ASS1: variants seen among roughly 807,000 people sequenced by gnomAD.
The protein encoded by ASS1 is argininosuccinate synthase 1, also known as argininosuccinate synthase.
ASS1 carries 58 observed loss-of-function variants against 60.5 expected under a neutral mutation model. The ratio of observed to expected loss-of-function variants is 0.96; its 90% CI spans 0.78 to 1.19. ASS1 has a LOEUF of 1.19. ASS1 is among the 50% of genes most tolerant of loss of function. The pLI is 0.00. For synonymous variants in ASS1, 200 were observed against 206.9 expected, an observed-to-expected ratio of 0.97 and a Z score of 0.29; for missense variants, 454 against 547.3, an observed-to-expected ratio of 0.83 and a Z score of 1.70.
intron 9 of ASS1, 55 bp from the exon 10 acceptor site, chr9:130,479,661 A>C: frequency 7.0e-7 from 1 of 1,429,378 alleles, no homozygotes; most frequent in East Asian, 2.3e-5. Flanking sequence ...TGGCGGGTGC[A>C]GACTCCTCCG....
At chr9:130,497,468 CTGT>C (rs1846633237) in intron 13 of ASS1, among the ~76,000 whole-genome samples, 1 of 150,628 alleles carries the variant, frequency 6.6e-6, no homozygotes, top group Non-Finnish European at 1.5e-5. Context: ...CAGAGGTTTT[CTGT>C]AGACCGTCAG....
chr9:130,470,726 G>A lies in ASS1; in HGVS notation c.496-108G>A, dbSNP rs1845846750. The stretch of plus-strand genomic sequence containing the variant: ...CTAGGAGGTAGCCAGGGTCTTGTCT[G>A]AATGGGGGCCAGAGTTTGGGGCTCT... On this transcript the variant is annotated intron_variant, in intron 6 of 14. Transcript: ENST00000352480. This position sits in a 1 kb window ranked among gnomAD's most constrained non-coding sequence, Gnocchi z 4.3. 1 of 1,120,280 alleles carries A rather than the reference G, an allele frequency of 8.9e-7. No individual in the cohort carries two copies. The highest frequency in any genetic ancestry group is 1.4e-6 in the Non-Finnish European group (1 of 736,380). 69.4% of individuals were successfully genotyped at this position (1,120,280 alleles called of 1,614,324 possible).
chr9:130,495,564 G>A (rs1386693930), intron 13 of ASS1, among the ~76,000 whole-genome samples: 1 of 151,708 alleles, frequency 6.6e-6, no homozygotes, highest in Non-Finnish European at 1.5e-5. Context: ...ATAGCAGAAG[G>A]AGTTAACAGG....
intron 10 of ASS1, 40 bp downstream of exon 10, chr9:130,479,840 CG>C: frequency 6.3e-7 from 1 of 1,584,912 alleles, no homozygotes; most frequent in Non-Finnish European, 8.7e-7. Context: ...TGGGAACCGC[CG>C]TCTCGGGCGA....
At chr9:130,454,135 A>G (rs1323447615) in intron 2 of ASS1, among the ~76,000 whole-genome samples, 170 bp from the exon 3 acceptor site, 2 of 152,204 alleles carry the variant, frequency 1.3e-5, no homozygotes, top group African/African-American at 4.8e-5. Flanking sequence ...CTCCTGGAAG[A>G]ATCTCACCTC....
At position 130,448,409 on chromosome 9, in the gene ASS1, G is replaced by GGTGT. The variant is rs568268746; in HGVS notation, c.-6+3418_-6+3421dup. Among the ~76,000 whole-genome samples, 1,026 of 106,264 alleles carry GGTGT rather than the reference G, an allele frequency of 9.7e-3. 12 individuals are homozygous for GGTGT. The highest frequency in any genetic ancestry group is 0.016 in the Non-Finnish European group (821 of 52,718). The allele number at this position is 106,264 out of a possible 152,430, so 69.7% of individuals were successfully genotyped here. A position where few individuals can be genotyped will look rare whatever the true frequency, so the allele number is the denominator to read the frequency against. On this transcript the variant is annotated intron_variant, in intron 1 of 14. Transcript: ENST00000352480. ...AGGTACGCACCCCTGGGTGCACACA[G>GGTGT]GTGTGTGCGCGCGCACACACACACA...
At chr9:130,490,860 A>G (rs1846432284) in intron 12 of ASS1, among the ~76,000 whole-genome samples, 1 of 152,248 alleles carries the variant, frequency 6.6e-6, no homozygotes, top group Non-Finnish European at 1.5e-5. Context: ...TAACATACAC[A>G]TAGCCCTGAT....
chr9:130,446,336 G>C (rs913077358), intron 1 of ASS1, among the ~76,000 whole-genome samples: 1 of 152,186 alleles, frequency 6.6e-6, no homozygotes, highest in Non-Finnish European at 1.5e-5. Context: ...ACACGGACTG[G>C]GAAGCTTGGC....
intron 4 of ASS1, among the ~76,000 whole-genome samples, chr9:130,461,571 T>A (rs1209592261): frequency 6.6e-6 from 1 of 152,148 alleles, no homozygotes; most frequent in Non-Finnish European, 1.5e-5. Flanking sequence ...GGGGAGTAGG[T>A]GCTACCTGGC....
Position 130,478,028 on chromosome 9 carries a change from G to A in ASS1, c.688+1067G>A, listed in dbSNP as rs1366587272. ...AGCCAGCTTCACCATGCTGGGCCTT[G>A]GGTGCACTCATCAAAAAACGGACCA... is the stretch of plus-strand genomic sequence containing the variant. On this transcript the variant is annotated intron_variant, in intron 9 of 14. Coordinates refer to ENST00000352480, the MANE Select transcript of ASS1 (RefSeq NM_054012.4). The surrounding 1 kb of genome is among the most constrained non-coding windows in gnomAD (Gnocchi z 4.7). Among the ~76,000 whole-genome samples the A allele has an allele frequency of 6.6e-6, 1 of 152,164 alleles. No individual in the cohort carries two copies. Among genetic ancestry groups the A allele is most frequent in the Non-Finnish European group, 1.5e-5 (1 of 68,026 alleles).
chr9:130,492,721 C>G (rs561828380), intron 12 of ASS1, among the ~76,000 whole-genome samples: 1 of 152,302 alleles, frequency 6.6e-6, no homozygotes, highest in African/African-American at 2.4e-5. Flanking sequence ...GCAACTCACA[C>G]AGAATTGCTC....
intron 2 of ASS1, among the ~76,000 whole-genome samples, chr9:130,452,578 G>A (rs780946599): frequency 6.6e-5 from 10 of 152,234 alleles, no homozygotes; most frequent in Admixed American, 3.3e-4. Context: ...TGATGGAGGC[G>A]CGGGGAGGGC....
intron 5 of ASS1, chr9:130,466,396 G>A (rs900224923): frequency 4.8e-6 from 2 of 414,186 alleles, no homozygotes; most frequent in African/African-American, 4.1e-5. Context: ...GGCTGAAGGT[G>A]CTGGCAAGGA....
At chr9:130,498,402 T>A (rs1408585259) in intron 13 of ASS1, among the ~76,000 whole-genome samples, 1 of 152,196 alleles carries the variant, frequency 6.6e-6, no homozygotes, top group Non-Finnish European at 1.5e-5. Flanking sequence ...AGGAGGCATC[T>A]GAGTCCACGT....
chr9:130,463,880 C>A (rs1162808053), intron 4 of ASS1, among the ~76,000 whole-genome samples: 1 of 152,110 alleles, frequency 6.6e-6, no homozygotes, highest in Non-Finnish European at 1.5e-5. Flanking sequence ...TGTCCTGCAC[C>A]CACCCACGTG....
At chr9:130,452,409 C>A in intron 2 of ASS1, 76 bp downstream of exon 2, 2 of 1,336,648 alleles carry the variant, frequency 1.5e-6, no homozygotes, top group Non-Finnish European at 2.1e-6. Context: ...CAGCCTCTGT[C>A]TGGGTTGTCA....
intron 13 of ASS1, among the ~76,000 whole-genome samples, chr9:130,499,210 T>C (rs148627835): frequency 2.6e-5 from 4 of 152,318 alleles, no homozygotes; most frequent in African/African-American, 2.4e-5. Flanking sequence ...GTGGAATTCA[T>C]AGGGCTAGTT....
At position 130,477,496 on chromosome 9, in the gene ASS1, C is replaced by T. The variant is rs1043686086; in HGVS notation, c.688+535C>T. ...CCTGCTGACCCCACGTTCAAAGCTGCGGCCACTCTTGCTCCCCTCGGCAGT... is the reference window on the plus strand; with the variant it reads ...CCTGCTGACCCCACGTTCAAAGCTGTGGCCACTCTTGCTCCCCTCGGCAGT... On this transcript the variant is annotated intron_variant, in intron 9 of 14. Transcript: ENST00000352480. This position sits in a 1 kb window ranked among gnomAD's most constrained non-coding sequence, Gnocchi z 4.2. Among the ~76,000 whole-genome samples, 1 of 152,208 alleles carries T rather than the reference C, an allele frequency of 6.6e-6. No individual in the cohort carries two copies. Among genetic ancestry groups the T allele is most frequent in the Non-Finnish European group, 1.5e-5 (1 of 68,042 alleles).
rs567927879 is a variant in ASS1 at position 130,491,549 on chromosome 9, C to T, written c.970+2085C>T. On this transcript the variant is annotated intron_variant, in intron 12 of 14. Coordinates refer to ENST00000352480, the MANE Select transcript of ASS1 (RefSeq NM_054012.4). This position sits in a 1 kb window ranked among gnomAD's most constrained non-coding sequence, Gnocchi z 5.3. Reference sequence around the variant, plus strand: ...TGAGCCGGGGACAGGCCAGCTGTAGCGGCCAAGTTCCCAGTTACTCCAACA... The same window carrying T: ...TGAGCCGGGGACAGGCCAGCTGTAGTGGCCAAGTTCCCAGTTACTCCAACA... Among the ~76,000 whole-genome samples the T allele has an allele frequency of 3.9e-5, 6 of 152,314 alleles. No homozygotes were observed. The East Asian group carries it at 7.7e-4, about 20-fold the overall frequency.
Sources: gnomAD v4.1 joint callset for allele counts (sites outside exome capture counted in the v4.1 genomes callset) on GRCh38, gnomAD v4.1.1 for gene constraint, Gnocchi (gnomAD v3.1) non-coding constraint, MANE v1.5 for transcripts, NCBI Gene and HGNC (gene_info 2026-07-23, HGNC 2026-07-21) for gene names.